Variants in APOBEC3G observed in about 807,000 individuals in gnomAD.
APOBEC3G encodes apolipoprotein B mRNA editing enzyme catalytic subunit 3G.
In APOBEC3G, 44 loss-of-function variants were observed where a neutral mutation model predicts 50.0. The ratio of observed to expected loss-of-function variants is 0.88; its 90% CI spans 0.69 to 1.13. The LOEUF is 1.13. Among genes scored for constraint, APOBEC3G ranks in the 50% most tolerant of loss-of-function variants. The pLI, the probability that APOBEC3G is intolerant of heterozygous loss-of-function variation, is 0.00. For missense variants in APOBEC3G, 469 were observed against 492.0 expected (o/e 0.95, Z 0.44); for synonymous variants, 156 against 175.3 (o/e 0.89, Z 0.87).
Position 39,087,490 on chromosome 22 carries a change from A to G in APOBEC3G, c.*69A>G, listed in dbSNP as rs982332473. On this transcript the variant is annotated 3_prime_UTR_variant, in exon 8 of 8. Coordinates refer to ENST00000407997, the MANE Select transcript of APOBEC3G (RefSeq NM_021822.4). ...GCCTCAGAATAAAAGATCTTCTTCC[A>G]AGAAATGCAAACAGGCTGTTCACCA... 1.2e-6 allele frequency: 2 copies of G among 1,613,132 alleles called. No homozygotes were observed. The highest frequency in any genetic ancestry group is 2.7e-5 in the African/African-American group (2 of 74,908).
chr22:39,087,310 C>T (rs1474030549), intron 7 of APOBEC3G, 97 bp from the exon 8 acceptor site: 13 of 1,602,236 alleles, frequency 8.1e-6, no homozygotes, highest in Non-Finnish European at 1.1e-5. Context: ...ACATCCCTCC[C>T]TCCTCTCCGA....
At chr22:39,081,690 TCCTGCCTTCCCTCCTGCCC>T (rs1928468066) in intron 4 of APOBEC3G, 105 bp downstream of exon 4, 1 of 901,572 alleles carries the variant, frequency 1.1e-6, no homozygotes, top group African/African-American at 1.7e-5. Context: ...GGCCAGGCCC[TCCTGCCTTCCCTCCTGCCC>T]CCTGCCTGCC....
In APOBEC3G at chr22:39,086,359, C is replaced by T. The variant is rs1357032632; in HGVS notation, c.816C>T (p.Asp272=). 6.2e-7 allele frequency: 1 copy of T among 1,613,870 alleles called. No homozygotes were observed. The highest frequency in any genetic ancestry group is 1.3e-5 in the African/African-American group (1 of 74,902). ...ACGTGATTCCCTTTTGGAAGCTGGA[C>T]CTGGACCAGGACTACAGGGTTACCT... ...FLDVIPFWKL[D]LDQDYRVTCF... Residue 272 remains aspartate (D), a synonymous_variant, in exon 6 of 8, where the codon GAC becomes GAT. Transcript: ENST00000407997.
rs760249189 is a variant in APOBEC3G at position 39,080,918 on chromosome 22, C to T, written c.172-15C>T. ...CCCCCTCTCAGAGCTTGCCCTGACC[C>T]TGCTCCTCTCCCAGGTGTATTCCGA... On this transcript the variant is annotated splice_polypyrimidine_tract_variant and intron_variant, in intron 2 of 7. Transcript: ENST00000407997. The T allele has an allele frequency of 1.9e-6, 3 of 1,606,498 alleles. No individual in the cohort carries two copies. Among genetic ancestry groups the T allele is most frequent in the Non-Finnish European group, 2.6e-6 (3 of 1,175,360 alleles).
In APOBEC3G at chr22:39,087,728, A is replaced by G; in HGVS notation, c.*307A>G. The G allele has an allele frequency of 2.3e-6, 1 of 444,432 alleles. No individual in the cohort carries two copies. The highest frequency in any genetic ancestry group is 4.3e-5 in the East Asian group (1 of 23,362). 27.5% of individuals were successfully genotyped at this position (444,432 alleles called of 1,614,324 possible). A position where few individuals can be genotyped will look rare whatever the true frequency, so the allele number is the denominator to read the frequency against. On this transcript the variant is annotated 3_prime_UTR_variant, in exon 8 of 8. Transcript: ENST00000407997. The stretch of plus-strand genomic sequence containing the variant: ...TGTAGGTAGAGGAATAAAATGAAAT[A>G]CTAAATCTTTCTGTATATGTTTCCC...
Position 39,086,502 on chromosome 22 carries a change from G to A in APOBEC3G, c.959G>A (p.Arg320Lys), listed in dbSNP as rs1928700157. ...FTARIYDDQG[R>K]CQEGLRTLAE... ...GCCCGCATCTATGATGATCAAGGAAGATGTCAGGAGGGGCTGCGCACCCTG... is the reference window on the plus strand; with the variant it reads ...GCCCGCATCTATGATGATCAAGGAAAATGTCAGGAGGGGCTGCGCACCCTG... Residue 320 changes from arginine (R) to lysine (K), a missense_variant, in exon 6 of 8, where the codon AGA (arginine) becomes AAA (lysine). By Grantham distance (26) the Arg-to-Lys change is conservative. Transcript: ENST00000407997. 1.2e-6 allele frequency: 2 copies of A among 1,614,026 alleles called. No individual in the cohort carries two copies. Among genetic ancestry groups the A allele is most frequent in the African/African-American group, 1.3e-5 (1 of 75,048 alleles).
intron 5 of APOBEC3G, 105 bp from the exon 6 acceptor site, chr22:39,086,174 C>T (rs1458613690): frequency 1.6e-6 from 2 of 1,281,562 alleles, no homozygotes. Flanking sequence ...TGTGGTGGTG[C>T]ATGCCTGTAA....
chr22:39,087,048 G>A lies in APOBEC3G; in HGVS notation c.1062G>A (p.Gln354=). ...GCTGGGACACCTTTGTGGACCACCA[G>A]GGATGTCCCTTCCAGCCCTGGGATG... is the stretch of plus-strand genomic sequence containing the variant. ...KHCWDTFVDH[Q]GCPFQPWDGL... The change falls in exon 7 of 8, where the codon CAG becomes CAA. Residue 354 remains glutamine (Q), a synonymous_variant. Coordinates refer to ENST00000407997, the MANE Select transcript of APOBEC3G (RefSeq NM_021822.4). 3.1e-6 allele frequency: 5 copies of A among 1,613,178 alleles called. No homozygotes were observed. The highest frequency in any genetic ancestry group is 4.2e-6 in the Non-Finnish European group (5 of 1,179,704).
At chr22:39,078,837 T>A (rs1485355999) in intron 1 of APOBEC3G, 95 bp from the exon 2 acceptor site, 1 of 1,526,008 alleles carries the variant, frequency 6.6e-7, no homozygotes, top group Admixed American at 2.1e-5. Context: ...GGGGGAGGCC[T>A]AGAGCCGTCC....
At chr22:39,077,456 G>C in intron 1 of APOBEC3G, 78 bp downstream of exon 1, 1 of 1,551,640 alleles carries the variant, frequency 6.4e-7, no homozygotes, top group Non-Finnish European at 8.7e-7. Context: ...GTCAGCCCTG[G>C]CCTTCCCCTG....
At chr22:39,087,384 A>G (rs1189630985) in intron 7 of APOBEC3G, 23 bp from the exon 8 acceptor site, 1 of 1,613,888 alleles carries the variant, frequency 6.2e-7, no homozygotes, top group African/African-American at 1.3e-5. Flanking sequence ...CCTTTGCTCC[A>G]TTCAACCTCC....
chr22:39,081,652 C>A, intron 4 of APOBEC3G, 67 bp downstream of exon 4: 2 of 1,322,720 alleles, frequency 1.5e-6, no homozygotes, highest in South Asian at 1.2e-5. Context: ...TTGAGGCCTC[C>A]CCTCTGTTCC....
chr22:39,087,549 A>C lies in APOBEC3G; in HGVS notation c.*128A>C. 1 of 1,555,660 alleles carries C rather than the reference A, an allele frequency of 6.4e-7. No individual in the cohort carries two copies. On this transcript the variant is annotated 3_prime_UTR_variant, in exon 8 of 8. Transcript: ENST00000407997. ...AGCTGATCACAGACACCAGCAAAGC[A>C]ATGCACTCCTGACCAAGTAGATTCT...
In APOBEC3G at chr22:39,078,877, G is replaced by T. The variant is rs55780506; in HGVS notation, c.18-55G>T. ...GGCTGTGTTTAGTGGACATCAGCCC[G>T]GAGGGCCCCCAGGAGTGCTCTCTAC... On this transcript the variant is annotated intron_variant, in intron 1 of 7. Coordinates refer to ENST00000407997, the MANE Select transcript of APOBEC3G (RefSeq NM_021822.4). 6.2e-5 allele frequency: 100 copies of T among 1,604,222 alleles called. No individual in the cohort carries two copies. The East Asian group carries it at 1.0e-3, about 17-fold the overall frequency.
At chr22:39,078,849 G>T (rs1419725643) in intron 1 of APOBEC3G, 83 bp from the exon 2 acceptor site, 3 of 1,566,526 alleles carry the variant, frequency 1.9e-6, no homozygotes, top group Non-Finnish European at 1.7e-6. Flanking sequence ...GAGCCGTCCA[G>T]GGGGCTGTGT....
intron 2 of APOBEC3G, 138 bp from the exon 3 acceptor site, chr22:39,080,795 G>A (rs1337685257): frequency 1.5e-5 from 12 of 790,252 alleles, no homozygotes; most frequent in Non-Finnish European, 2.4e-5. Context: ...CACTCAAACC[G>A]AACAGGGGGA....
chr22:39,077,128 C>G (rs554831504), upstream of APOBEC3G: 3 of 625,942 alleles, frequency 4.8e-6, no homozygotes, highest in Admixed American at 5.9e-5. Context: ...ATCAGAGGTC[C>G]CTCTGCCAGG....
Position 39,083,875 on chromosome 22 carries a change from A to AT in APOBEC3G, c.727dup (p.Cys243LeufsTer7). 6.2e-7 allele frequency: 1 copy of AT among 1,613,046 alleles called. No individual in the cohort carries two copies. Among genetic ancestry groups the AT allele is most frequent in the Non-Finnish European group, 8.5e-7 (1 of 1,179,394 alleles). On this transcript the variant is annotated frameshift_variant, in exon 5 of 8. Transcript: ENST00000407997. LOFTEE classifies it high-confidence loss of function. ...TGCTGAACCAGCGCAGGGGCTTTCT[A>AT]TGCAACCAGGTGACCAACCCAGCCA... is the stretch of plus-strand genomic sequence containing the variant.
chr22:39,081,360 G>A, intron 3 of APOBEC3G, 111 bp from the exon 4 acceptor site: 1 of 1,534,156 alleles, frequency 6.5e-7, no homozygotes, highest in Non-Finnish European at 8.9e-7. Flanking sequence ...GTGGGGTTGG[G>A]TCTGGCGCTG....
Sources: gnomAD v4.1 joint callset for allele counts on GRCh38, gnomAD v4.1.1 for gene constraint, MANE v1.5 for transcripts, NCBI Gene and HGNC (gene_info 2026-07-23, HGNC 2026-07-21) for gene names.